IFT46: variants seen among roughly 807,000 people sequenced by gnomAD.
The protein encoded by IFT46 is intraflagellar transport protein 46 homolog.
Under a neutral mutation model 39.6 loss-of-function variants are expected in IFT46, and 19 were observed. That is an observed-to-expected ratio of 0.48 (90% CI 0.33 to 0.70). The LOEUF (loss-of-function observed/expected upper bound fraction) is 0.70. IFT46 is among the 30% of genes least tolerant of loss of function. IFT46 has a pLI of 0.01. For missense variants in IFT46, 334 were observed against 364.8 expected (o/e 0.92, Z 0.69); for synonymous variants, 117 against 134.8 (o/e 0.87, Z 0.91).
upstream of IFT46, among the ~76,000 whole-genome samples, chr11:118,568,728 G>A (rs1249846954): frequency 2.6e-5 from 4 of 150,946 alleles, no homozygotes; most frequent in Non-Finnish European, 4.4e-5. Flanking sequence ...ATACAGTGAC[G>A]AGACCTCAGC....
chr11:118,573,718 A>G, upstream of IFT46: 1 of 695,866 alleles, frequency 1.4e-6, no homozygotes, highest in Non-Finnish European at 2.6e-6. Flanking sequence ...TTTAGATAAG[A>G]ACTTGGATAA....
rs1555070239 is a variant in IFT46, at chr11:118,559,773, G to A, written c.45+12C>T. ...GCAGAAATTCTACAAGAAGCTGTGA[G>A]TTTTACTGTACCTTGTTATTTTCCT... On this transcript the variant is annotated intron_variant, in intron 3 of 11. Transcript: ENST00000264021. The A allele has an allele frequency of 6.2e-7, 1 of 1,608,118 alleles. No individual in the cohort carries two copies. The highest frequency in any genetic ancestry group is 1.7e-5 in the Admixed American group (1 of 60,006).
chr11:118,557,271 C>A, intron 3 of IFT46: 2 of 439,462 alleles, frequency 4.6e-6, no homozygotes, highest in Non-Finnish European at 7.9e-6. Context: ...CTACTTGAGG[C>A]TGGGGTATAA....
At chr11:118,563,278 G>A (rs186155953) in intron 2 of IFT46, among the ~76,000 whole-genome samples, 1 of 152,084 alleles carries the variant, frequency 6.6e-6, no homozygotes, top group African/African-American at 2.4e-5. Context: ...AGGGAGGAGT[G>A]GAAGCAAGCA....
At position 118,545,634 on chromosome 11, in the gene IFT46, T is replaced by G. The variant is rs139782741; in HGVS notation, c.734-140A>C. The G allele has an allele frequency of 1.3e-4, 135 of 1,067,062 alleles. No individual in the cohort carries two copies. The East Asian group carries it at 2.7e-3, about 22-fold the overall frequency. The allele number at this position is 1,067,062 out of a possible 1,614,324, so 66.1% of individuals were successfully genotyped here. Reference sequence around the variant, plus strand: ...GTTAAATACCCAGCAGGTAGTCACATAAGCCAAACACCACCTTTGAGTGCT... The same window carrying G: ...GTTAAATACCCAGCAGGTAGTCACAGAAGCCAAACACCACCTTTGAGTGCT... On this transcript the variant is annotated intron_variant, in intron 10 of 11. Transcript: ENST00000264021.
rs191742021 is a variant in IFT46, at chr11:118,550,963, G to A, written c.672+823C>T. On this transcript the variant is annotated intron_variant, in intron 9 of 11. Coordinates refer to ENST00000264021, the MANE Select transcript of IFT46 (RefSeq NM_001168618.2). Reference sequence around the variant, plus strand: ...AATTGCTTGAACCTGCGGGGGGTACGGAGGTTGCAGTGAGCCAAGATCATG... The same window carrying A: ...AATTGCTTGAACCTGCGGGGGGTACAGAGGTTGCAGTGAGCCAAGATCATG... Among the ~76,000 whole-genome samples the A allele has an allele frequency of 1.0e-3, 151 of 150,904 alleles. 2 individuals carry two copies. Among genetic ancestry groups the A allele is most frequent in the African/African-American group, 3.2e-3 (131 of 41,086 alleles).
chr11:118,572,639 C>A, exon 1 of IFT46: 2 of 1,533,378 alleles, frequency 1.3e-6, no homozygotes, highest in Admixed American at 1.9e-5. Flanking sequence ...CCGGAGGAGC[C>A]CCGCCCTGAG....
intron 5 of IFT46, 36 bp downstream of exon 5, chr11:118,555,212 G>C: frequency 6.3e-7 from 1 of 1,577,550 alleles, no homozygotes; most frequent in Non-Finnish European, 8.7e-7. Flanking sequence ...GGCAAGGTAG[G>C]GATAGTGGGG....
chr11:118,552,829 C>A (rs916359387), intron 7 of IFT46, among the ~76,000 whole-genome samples: 1 of 149,838 alleles, frequency 6.7e-6, no homozygotes, highest in Middle Eastern at 3.4e-3. Context: ...CTCACACCTG[C>A]AGTCCTAGCA....
intron 9 of IFT46, among the ~76,000 whole-genome samples, chr11:118,547,907 C>T (rs1214384114): frequency 1.3e-5 from 2 of 151,254 alleles, no homozygotes; most frequent in African/African-American, 4.9e-5. Context: ...CCACAGCGCC[C>T]GGCTAATTTT....
At chr11:118,561,158 A>G in intron 2 of IFT46, 1 of 1,445,342 alleles carries the variant, frequency 6.9e-7, no homozygotes, top group South Asian at 1.1e-5. Flanking sequence ...CACTGGCAAT[A>G]AAGTTTTTGG....
At chr11:118,562,012 T>A (rs1453839411) in intron 2 of IFT46, among the ~76,000 whole-genome samples, 5 of 152,026 alleles carry the variant, frequency 3.3e-5, no homozygotes, top group African/African-American at 1.2e-4. Flanking sequence ...CAGTGGCTCC[T>A]GCCTGTAATC....
At chr11:118,575,833 C>G (rs1478073037), upstream of IFT46, among the ~76,000 whole-genome samples, 1 of 152,162 alleles carries the variant, frequency 6.6e-6, no homozygotes, top group African/African-American at 2.4e-5. Flanking sequence ...TCTTGTATCT[C>G]TCTTGCACAC....
At chr11:118,568,724 T>C (rs1555071924), upstream of IFT46, among the ~76,000 whole-genome samples, 1 of 150,600 alleles carries the variant, frequency 6.6e-6, no homozygotes, top group African/African-American at 2.4e-5. Flanking sequence ...TGGAATACAG[T>C]GACGAGACCT....
upstream of IFT46, among the ~76,000 whole-genome samples, chr11:118,574,235 C>T (rs1214435940): frequency 6.6e-6 from 1 of 152,126 alleles, no homozygotes; most frequent in African/African-American, 2.4e-5. Context: ...AACAATTTAT[C>T]TCAGTACATT....
chr11:118,552,811 T>G (rs1427093989), intron 7 of IFT46, among the ~76,000 whole-genome samples: 3 of 142,072 alleles, frequency 2.1e-5, no homozygotes, highest in South Asian at 2.2e-4. Context: ...AAAAGCCAAG[T>G]GCAGTGGCTC....
chr11:118,566,358 C>T (rs1938225515), upstream of IFT46, among the ~76,000 whole-genome samples: 1 of 152,184 alleles, frequency 6.6e-6, no homozygotes, highest in African/African-American at 2.4e-5. Context: ...ATGGAACATA[C>T]TTATAGCAAT....
chr11:118,570,033 C>T (rs1182897408), upstream of IFT46, among the ~76,000 whole-genome samples: 1 of 149,464 alleles, frequency 6.7e-6, no homozygotes, highest in Non-Finnish European at 1.5e-5. Flanking sequence ...AGGCATGAGA[C>T]ACCACGCCCA....
chr11:118,555,398 T>C, intron 4 of IFT46, 76 bp from the exon 5 acceptor site: 1 of 1,063,528 alleles, frequency 9.4e-7, no homozygotes, highest in South Asian at 1.3e-5. Context: ...GCTGGTGTGT[T>C]ACTGACTATA....
Sources: allele counts gnomAD v4.1 joint callset (sites outside exome capture counted in the v4.1 genomes callset), GRCh38; gene constraint gnomAD v4.1.1; transcripts MANE v1.5; gene names NCBI Gene and HGNC (gene_info 2026-07-23, HGNC 2026-07-21).